The following ARHGAP6 variants were observed in gnomAD, a reference collection of about 807,000 sequenced individuals.
ARHGAP6 encodes the protein rho GTPase-activating protein 6.
A neutral mutation model predicts 55.7 loss-of-function variants in ARHGAP6; 16 were observed. That is an observed-to-expected ratio of 0.29 (90% CI 0.19 to 0.44). The LOEUF is 0.44. Ranked by LOEUF, ARHGAP6 falls within the 20% of genes least tolerant of loss-of-function variation. The probability of loss-of-function intolerance (pLI) is 1.00; values close to 1 mark genes in which losing one functional copy is unlikely to be tolerated. For missense variants in ARHGAP6, 698 were observed against 808.9 expected (o/e 0.86, Z 1.66); for synonymous variants, 382 against 360.9 (o/e 1.06, Z -0.66).
intron 1 of ARHGAP6, among the ~76,000 whole-genome samples, chrX:11,350,416 A>G (rs1039957690): frequency 8.9e-6 from 1 of 112,394 alleles, no homozygotes; most frequent in African/African-American, 3.2e-5. Context: ...AGAGTTTTCC[A>G]GTGTTTGGAA....
At chrX:11,312,062 T>C (rs1266649719) in intron 1 of ARHGAP6, among the ~76,000 whole-genome samples, 1 of 112,119 alleles carries the variant, frequency 8.9e-6, no homozygotes, top group Non-Finnish European at 1.9e-5. Context: ...AAAAACTGTT[T>C]AAATGTCAAT....
rs1041920985 is a variant in ARHGAP6 at position 11,420,434 on chromosome X, C to T, written c.589-165727G>A. Among the ~76,000 whole-genome samples the T allele has an allele frequency of 3.6e-5, 4 of 111,396 alleles. No individual in the cohort carries two copies. The East Asian group carries it at 1.1e-3, about 31-fold the overall frequency. Reference sequence around the variant, plus strand: ...CCAAAATGTGGCAAGCACCCAAGACCGTTAAATCTATCCCCACCCTCCCCA... The same window carrying T: ...CCAAAATGTGGCAAGCACCCAAGACTGTTAAATCTATCCCCACCCTCCCCA... On this transcript the variant is annotated intron_variant, in intron 1 of 12. Transcript: ENST00000337414.
At chrX:11,327,811 G>C (rs1279778053) in intron 1 of ARHGAP6, among the ~76,000 whole-genome samples, 1 of 111,824 alleles carries the variant, frequency 8.9e-6, no homozygotes, top group African/African-American at 3.3e-5. Flanking sequence ...GAGGAATGTA[G>C]ATTAGATTTA....
At chrX:11,664,001 T>C (rs2052727227) in intron 1 of ARHGAP6, among the ~76,000 whole-genome samples, 1 of 112,699 alleles carries the variant, frequency 8.9e-6, no homozygotes, top group African/African-American at 3.2e-5. Context: ...CATCTCTTTC[T>C]CCAGCTCCCA....
intron 2 of ARHGAP6, among the ~76,000 whole-genome samples, chrX:11,238,463 A>T (rs766496809): frequency 8.9e-6 from 1 of 111,984 alleles, no homozygotes; most frequent in Admixed American, 9.4e-5. Flanking sequence ...GTATGAATGG[A>T]TGTTTAGCAT....
At chrX:11,609,213 TG>T (rs2052073128) in intron 1 of ARHGAP6, among the ~76,000 whole-genome samples, 1 of 111,526 alleles carries the variant, frequency 9.0e-6, no homozygotes, top group Non-Finnish European at 1.9e-5. Flanking sequence ...TGGAGAAGTA[TG>T]GGGATGCAGG....
intron 1 of ARHGAP6, among the ~76,000 whole-genome samples, chrX:11,312,045 G>A (rs1408722830): frequency 2.7e-5 from 3 of 111,558 alleles, no homozygotes; most frequent in Non-Finnish European, 5.6e-5. Flanking sequence ...TAACTGTGTG[G>A]GATTGGAAAA....
intron 1 of ARHGAP6, among the ~76,000 whole-genome samples, chrX:11,391,600 G>T (rs763366495): frequency 4.3e-4 from 48 of 112,310 alleles, no homozygotes; most frequent in Non-Finnish European, 6.8e-4. Context: ...GGGCCTGTGA[G>T]TGAGAACAAT....
At chrX:11,658,673 A>AT (rs781637372) in intron 1 of ARHGAP6, among the ~76,000 whole-genome samples, 1 of 104,530 alleles carries the variant, frequency 9.6e-6, no homozygotes, top group South Asian at 4.6e-4. Context: ...ATAGAAAGTC[A>AT]TTTTTTTGAA....
intron 1 of ARHGAP6, among the ~76,000 whole-genome samples, chrX:11,337,873 G>A (rs752045776): frequency 1.8e-5 from 2 of 112,129 alleles, no homozygotes; most frequent in East Asian, 5.6e-4. Flanking sequence ...GATGGCACTG[G>A]CATCTGCTTG....
At chrX:11,204,016 G>C (rs780341743) in intron 2 of ARHGAP6, among the ~76,000 whole-genome samples, 1 of 112,173 alleles carries the variant, frequency 8.9e-6, no homozygotes, top group Non-Finnish European at 1.9e-5. Context: ...ATGATGCTCA[G>C]TGTCTAATGC....
chrX:11,410,749 C>T (rs1169987271), intron 1 of ARHGAP6, among the ~76,000 whole-genome samples: 2 of 111,309 alleles, frequency 1.8e-5, no homozygotes, highest in Non-Finnish European at 3.8e-5. Context: ...AGCAGGAAGG[C>T]CTCTCAAGTT....
At chrX:11,245,569 C>T (rs180839796) in intron 2 of ARHGAP6, among the ~76,000 whole-genome samples, 92 of 112,410 alleles carry the variant, frequency 8.2e-4, no homozygotes, top group South Asian at 1.9e-3. Flanking sequence ...ATTCCCTGTT[C>T]TCTATTCCAT....
At chrX:11,498,917 T>G (rs2050650440) in intron 1 of ARHGAP6, among the ~76,000 whole-genome samples, 1 of 111,852 alleles carries the variant, frequency 8.9e-6, no homozygotes, top group African/African-American at 3.2e-5. Flanking sequence ...CTTTTGCTTA[T>G]TTGACATATA....
At chrX:11,564,200 T>C (rs763053316) in intron 1 of ARHGAP6, among the ~76,000 whole-genome samples, 1 of 112,113 alleles carries the variant, frequency 8.9e-6, no homozygotes, top group Non-Finnish European at 1.9e-5. Flanking sequence ...TGGAGCTTAT[T>C]ATGCCTTTCT....
At chrX:11,567,970 C>A (rs925496851) in intron 1 of ARHGAP6, among the ~76,000 whole-genome samples, 4 of 111,812 alleles carry the variant, frequency 3.6e-5, no homozygotes, top group African/African-American at 1.3e-4. Context: ...CATGAGTCAC[C>A]ATGCTGGGAG....
chrX:11,610,534 T>C (rs1408185509), intron 1 of ARHGAP6, among the ~76,000 whole-genome samples: 1 of 111,957 alleles, frequency 8.9e-6, no homozygotes, highest in Non-Finnish European at 1.9e-5. Flanking sequence ...GAAGTGCCCA[T>C]GGTAATGATG....
Position 11,554,375 on chromosome X carries a change from G to A in ARHGAP6, c.588+109866C>T, listed in dbSNP as rs191034592. Among the ~76,000 whole-genome samples, 623 of 111,718 alleles carry A rather than the reference G, an allele frequency of 5.6e-3. 4 individuals carry two copies. Among genetic ancestry groups the A allele is most frequent in the Non-Finnish European group, 9.6e-3 (508 of 53,090 alleles). ...ATAGAGAGAATAAGTTCTAAGGTTC[G>A]ATAGCAGAGTACGGTGACCATAGTT... On this transcript the variant is annotated intron_variant, in intron 1 of 12. Transcript: ENST00000337414.
chrX:11,342,945 A>T (rs16986434), intron 1 of ARHGAP6, among the ~76,000 whole-genome samples: 6,581 of 111,945 alleles, frequency 0.059, 212 homozygotes, highest in African/African-American at 0.12. Flanking sequence ...CTTGTTCTTG[A>T]AATACCTGAA....
Sources: gnomAD v4.1 joint callset for allele counts (sites outside exome capture counted in the v4.1 genomes callset) on GRCh38, gnomAD v4.1.1 for gene constraint, MANE v1.5 for transcripts, NCBI Gene and HGNC (gene_info 2026-07-23, HGNC 2026-07-21) for gene names.